The following DAB1 variants were observed in gnomAD, a reference collection of about 807,000 sequenced individuals.
DAB1 encodes disabled homolog 1.
Under a neutral mutation model 64.6 loss-of-function variants are expected in DAB1, and 15 were observed. The observed-to-expected ratio is 0.23, with a 90% CI of 0.16 to 0.36. The LOEUF is 0.36. Ranked by LOEUF, DAB1 falls within the 10% of genes least tolerant of loss-of-function variation. DAB1 has a pLI of 1.00. For synonymous variants in DAB1, 235 were observed against 251.9 expected (o/e 0.93, Z 0.64); for missense variants, 596 against 706.7 (o/e 0.84, Z 1.78).
chr1:57,919,310 T>G (rs988214522), intron 5 of DAB1, among the ~76,000 whole-genome samples: 4 of 152,202 alleles, frequency 2.6e-5, no homozygotes, highest in African/African-American at 9.7e-5. Flanking sequence ...TAGCTGGGGA[T>G]GTAGAGATAA....
chr1:57,100,512 T>C (rs1311016508), intron 4 of DAB1, among the ~76,000 whole-genome samples: 3 of 152,212 alleles, frequency 2.0e-5, no homozygotes, highest in Non-Finnish European at 4.4e-5. Flanking sequence ...GAATGAGCTA[T>C]AATGGACATG....
chr1:57,961,271 T>C lies in DAB1; in HGVS notation n.388-77109A>G, dbSNP rs182533145. 8.7e-4 allele frequency among the ~76,000 whole-genome samples: 132 copies of C among 152,330 alleles called. 1 individual carries two copies. The highest frequency in any genetic ancestry group is 2.9e-5 in the Non-Finnish European group (2 of 68,030). ...TAGGTAATATGTATGTGTCTACATATACATATAATAATATGTGTACATTTA... is the reference window on the plus strand; with the variant it reads ...TAGGTAATATGTATGTGTCTACATACACATATAATAATATGTGTACATTTA... On this transcript the variant is annotated intron_variant and non_coding_transcript_variant, in intron 5 of 20. Coordinates refer to the DAB1 transcript ENST00000485760.
intron 7 of DAB1, among the ~76,000 whole-genome samples, chr1:57,605,414 T>C (rs1645624715): frequency 6.6e-6 from 1 of 152,194 alleles, no homozygotes; most frequent in Admixed American, 6.5e-5. Context: ...ACCCAGAAAC[T>C]GTCAAGGGTC....
At chr1:57,328,500 C>T (rs750112340) in intron 1 of DAB1, among the ~76,000 whole-genome samples, 9 of 152,190 alleles carry the variant, frequency 5.9e-5, no homozygotes, top group African/African-American at 1.4e-4. Flanking sequence ...CCCACACATA[C>T]GCACTGTATT....
intron 4 of DAB1, among the ~76,000 whole-genome samples, chr1:57,084,209 C>G (rs1652834016): frequency 6.6e-6 from 1 of 152,078 alleles, no homozygotes; most frequent in Admixed American, 6.5e-5. Context: ...TGAATGGTGT[C>G]CTTATAAAAG....
chr1:57,764,848 TA>T, intron 6 of DAB1, among the ~76,000 whole-genome samples: 1 of 117,264 alleles, frequency 8.5e-6, no homozygotes, highest in East Asian at 2.4e-4. Context: ...CATCTGTAGT[TA>T]ACATAAAGAA....
intron 5 of DAB1, among the ~76,000 whole-genome samples, chr1:58,072,080 T>TG (rs1649299856): frequency 4.3e-4 from 4 of 9,244 alleles, no homozygotes; most frequent in Admixed American, 1.6e-3. Flanking sequence ...ACATTATTGG[T>TG]GGGGTGGGGG....
intron 5 of DAB1, among the ~76,000 whole-genome samples, chr1:58,090,785 A>G (rs1402003989): frequency 1.3e-5 from 2 of 152,216 alleles, no homozygotes; most frequent in Non-Finnish European, 1.5e-5. Context: ...AGGCAGGCAG[A>G]CTAACAAGGA....
At chr1:58,397,032 T>C (rs1023067156) in intron 3 of DAB1, among the ~76,000 whole-genome samples, 1 of 148,978 alleles carries the variant, frequency 6.7e-6, no homozygotes, top group African/African-American at 2.5e-5. Flanking sequence ...ACTACTGCAC[T>C]CTAGCCTGGG....
chr1:57,607,146 G>A (rs1645667020), intron 7 of DAB1, among the ~76,000 whole-genome samples: 1 of 152,004 alleles, frequency 6.6e-6, no homozygotes, highest in South Asian at 2.1e-4. Flanking sequence ...GGTGAGTTTT[G>A]ACTGGAATTT....
At chr1:57,136,768 T>A in intron 3 of DAB1, 127 bp from the exon 4 acceptor site, 1 of 466,394 alleles carries the variant, frequency 2.1e-6, no homozygotes, top group Non-Finnish European at 3.8e-6. Flanking sequence ...CCTTCGCACT[T>A]CCATATTTCT....
chr1:57,533,698 C>CT (rs1330912746), intron 7 of DAB1, among the ~76,000 whole-genome samples: 5 of 149,278 alleles, frequency 3.3e-5, no homozygotes, highest in African/African-American at 9.8e-5. Context: ...GCATGTATGA[C>CT]TTTTTTTTTA....
At chr1:57,119,193 C>G (rs561522737) in intron 4 of DAB1, among the ~76,000 whole-genome samples, 1 of 152,300 alleles carries the variant, frequency 6.6e-6, no homozygotes, top group African/African-American at 2.4e-5. Flanking sequence ...AGCACCAAAA[C>G]TTGCTTAATC....
chr1:58,523,692 G>T (rs1001622419), intron 2 of DAB1, among the ~76,000 whole-genome samples: 2 of 152,166 alleles, frequency 1.3e-5, no homozygotes, highest in Non-Finnish European at 2.9e-5. Flanking sequence ...GAGGTCAGGA[G>T]ATCGAGACCA....
At chr1:57,643,240 A>G (rs1023708516) in intron 7 of DAB1, among the ~76,000 whole-genome samples, 3 of 152,132 alleles carry the variant, frequency 2.0e-5, no homozygotes, top group Non-Finnish European at 4.4e-5. Flanking sequence ...AGATGTTCCT[A>G]CAGTTACCTC....
intron 4 of DAB1, among the ~76,000 whole-genome samples, chr1:57,090,202 C>T (rs1254020641): frequency 6.6e-6 from 1 of 152,170 alleles, no homozygotes; most frequent in Non-Finnish European, 1.5e-5. Context: ...GCTAAAAATA[C>T]AGCTGGCTCC....
chr1:57,740,409 T>C (rs1261309276), intron 6 of DAB1, among the ~76,000 whole-genome samples: 2 of 152,302 alleles, frequency 1.3e-5, no homozygotes, highest in South Asian at 2.1e-4. Flanking sequence ...TACATAAAGA[T>C]ACTAGACCTC....
chr1:58,030,114 G>GGA (rs1284736556), intron 5 of DAB1, among the ~76,000 whole-genome samples: 1 of 151,956 alleles, frequency 6.6e-6, no homozygotes, highest in African/African-American at 2.4e-5. Context: ...GCTGAGGCAG[G>GGA]GAGAATTGCT....
intron 2 of DAB1, among the ~76,000 whole-genome samples, chr1:57,151,338 A>G (rs1485677074): frequency 1.3e-5 from 2 of 152,194 alleles, no homozygotes; most frequent in East Asian, 3.8e-4. Flanking sequence ...AAGGTCCTCC[A>G]GATGCTGCAG....
Sources: gnomAD v4.1 joint callset for allele counts (sites outside exome capture counted in the v4.1 genomes callset) on GRCh38, gnomAD v4.1.1 for gene constraint, MANE v1.5 for transcripts, NCBI Gene and HGNC (gene_info 2026-07-23, HGNC 2026-07-21) for gene names.